Variants in PSTPIP2 observed in about 807,000 individuals in gnomAD.
PSTPIP2 encodes proline-serine-threonine phosphatase-interacting protein 2.
In PSTPIP2, 33 loss-of-function variants were observed where a neutral mutation model predicts 63.3. The observed-to-expected ratio is 0.52, with a 90% CI of 0.40 to 0.70. PSTPIP2 has a LOEUF of 0.70. Among genes scored for constraint, PSTPIP2 ranks in the 30% least tolerant of loss-of-function variants. The pLI is 0.00. For synonymous variants in PSTPIP2, 125 were observed against 132.7 expected (o/e 0.94, Z 0.40); for missense variants, 312 against 400.7 (o/e 0.78, Z 1.89).
chr18:45,990,063 G>A (rs1004183020), intron 13 of PSTPIP2: 2 of 152,216 alleles, frequency 1.3e-5, no homozygotes, highest in Non-Finnish European at 2.9e-5. Context: ...AACATTAAGT[G>A]ACACGTTTCT....
chr18:46,036,043 T>G (rs1422138895), intron 2 of PSTPIP2, among the ~76,000 whole-genome samples: 1 of 151,558 alleles, frequency 6.6e-6, no homozygotes, highest in Non-Finnish European at 1.5e-5. Flanking sequence ...ACTGATGGAG[T>G]GTTTGTTACT....
chr18:46,028,075 C>G (rs1248876885), intron 2 of PSTPIP2, among the ~76,000 whole-genome samples: 1 of 152,186 alleles, frequency 6.6e-6, no homozygotes, highest in Non-Finnish European at 1.5e-5. Flanking sequence ...GCAGAAGAAT[C>G]GCTTGAACCC....
At position 46,072,106 on chromosome 18, in the gene PSTPIP2, C is replaced by T. The variant is rs1239311954; in HGVS notation, c.33+50G>A. ...CCACGCCCGCCGCGTTGGCCTCCCG[C>T]CCGGGCCGGGTCCTGAGCCCCGCGA... On this transcript the variant is annotated intron_variant, in intron 1 of 14. Transcript: ENST00000409746. The T allele has an allele frequency of 2.0e-6, 3 of 1,514,048 alleles. No individual in the cohort carries two copies. In the African/African-American group the frequency reaches 4.3e-5, roughly 22 times the overall value. 93.8% of individuals were successfully genotyped at this position (1,514,048 alleles called of 1,614,324 possible).
At chr18:46,033,381 C>T (rs1336668409) in intron 2 of PSTPIP2, among the ~76,000 whole-genome samples, 1 of 152,062 alleles carries the variant, frequency 6.6e-6, no homozygotes, top group Non-Finnish European at 1.5e-5. Context: ...CCTCTTAATC[C>T]AACATGACTA....
chr18:46,031,890 T>A (rs1037274220), intron 2 of PSTPIP2, among the ~76,000 whole-genome samples: 1 of 152,142 alleles, frequency 6.6e-6, no homozygotes, highest in African/African-American at 2.4e-5. Context: ...AGCATCATGG[T>A]GTGCTTTTTG....
intron 3 of PSTPIP2, among the ~76,000 whole-genome samples, chr18:46,022,544 G>C (rs1011287212): frequency 2.0e-5 from 3 of 152,068 alleles, no homozygotes; most frequent in Non-Finnish European, 4.4e-5. Context: ...AAATGAGTAG[G>C]ACTGGCTACA....
Position 46,055,697 on chromosome 18 carries a change from G to A in PSTPIP2, c.34-15650C>T, listed in dbSNP as rs370534859. ...CCAAAATAACTCTAACAGCTTACCC[G>A]CAATGACTAAATGCTCATTTCCTGC... On this transcript the variant is annotated intron_variant, in intron 1 of 14. Transcript: ENST00000409746. 2.0e-5 allele frequency among the ~76,000 whole-genome samples: 3 copies of A among 152,218 alleles called. No individual in the cohort carries two copies. In the South Asian group the frequency reaches 6.2e-4, roughly 32 times the overall value.
At chr18:46,052,131 A>G (rs1256109153) in intron 1 of PSTPIP2, among the ~76,000 whole-genome samples, 1 of 152,268 alleles carries the variant, frequency 6.6e-6, no homozygotes, top group East Asian at 1.9e-4. Flanking sequence ...AGCTCTAGAA[A>G]GCAAGCCAGG....
chr18:46,020,805 T>C (rs1335201868), intron 3 of PSTPIP2, among the ~76,000 whole-genome samples: 1 of 152,206 alleles, frequency 6.6e-6, no homozygotes, highest in African/African-American at 2.4e-5. Flanking sequence ...AGGTATACTC[T>C]TAGAAGGAAA....
chr18:46,057,594 C>T (rs1440562307), intron 1 of PSTPIP2, among the ~76,000 whole-genome samples: 2 of 152,054 alleles, frequency 1.3e-5, no homozygotes, highest in Non-Finnish European at 2.9e-5. Context: ...TCTCCCAAAG[C>T]ACTGGGATTA....
intron 1 of PSTPIP2, among the ~76,000 whole-genome samples, chr18:46,062,790 C>T (rs1472384013): frequency 1.3e-5 from 2 of 151,972 alleles, no homozygotes; most frequent in Non-Finnish European, 2.9e-5. Context: ...GCTGGGATTA[C>T]AGGCAGGAGC....
chr18:45,988,184 C>T (rs2144054888), intron 14 of PSTPIP2, among the ~76,000 whole-genome samples: 1 of 152,188 alleles, frequency 6.6e-6, no homozygotes, highest in East Asian at 1.9e-4. Context: ...GTAATCCCAG[C>T]ACTTTGGGAG....
At chr18:46,016,574 G>A (rs759986935) in intron 3 of PSTPIP2, among the ~76,000 whole-genome samples, 4 of 152,188 alleles carry the variant, frequency 2.6e-5, no homozygotes, top group Non-Finnish European at 4.4e-5. Flanking sequence ...AGACCTCAGA[G>A]TCTAATGGAG....
chr18:45,998,775 G>T lies in PSTPIP2; in HGVS notation c.562+19C>A. ...CCCCACCAGCAACCCTCCCCCATCC[G>T]TAGGAACTGCCCCCTCACCTGAGTC... On this transcript the variant is annotated intron_variant, in intron 8 of 14. Coordinates refer to ENST00000409746, the MANE Select transcript of PSTPIP2 (RefSeq NM_024430.4). 6.2e-7 allele frequency: 1 copy of T among 1,610,380 alleles called. No homozygotes were observed. The highest frequency in any genetic ancestry group is 1.7e-5 in the Admixed American group (1 of 59,544).
chr18:46,053,809 C>G (rs1258493418), intron 1 of PSTPIP2, among the ~76,000 whole-genome samples: 1 of 152,170 alleles, frequency 6.6e-6, no homozygotes, highest in Admixed American at 6.5e-5. Context: ...TATCAAGCCA[C>G]AAGAAGACAT....
intron 1 of PSTPIP2, among the ~76,000 whole-genome samples, chr18:46,046,245 T>C (rs975892184): frequency 6.6e-6 from 1 of 152,220 alleles, no homozygotes; most frequent in African/African-American, 2.4e-5. Flanking sequence ...TCTATCCTCC[T>C]ATGGCCTCTG....
chr18:46,011,317 GGTCTACATAT>G (rs768274504), intron 4 of PSTPIP2, 30 bp from the exon 5 acceptor site: 58 of 1,502,444 alleles, frequency 3.9e-5, no homozygotes, highest in Non-Finnish European at 5.3e-5. Flanking sequence ...AAAAAATCAA[GGTCTACATAT>G]GTCTGAATTA....
intron 1 of PSTPIP2, among the ~76,000 whole-genome samples, chr18:46,069,709 T>C (rs1909323791): frequency 6.6e-6 from 1 of 152,366 alleles, no homozygotes; most frequent in African/African-American, 2.4e-5. Flanking sequence ...TTCAGGAACA[T>C]GTACAAACAC....
intron 3 of PSTPIP2, among the ~76,000 whole-genome samples, chr18:46,022,879 T>G (rs968926060): frequency 1.3e-5 from 2 of 152,118 alleles, no homozygotes; most frequent in African/African-American, 4.8e-5. Context: ...TGCCCATCAA[T>G]GATAGACTGA....
Sources: allele counts gnomAD v4.1 joint callset (sites outside exome capture counted in the v4.1 genomes callset), GRCh38; gene constraint gnomAD v4.1.1; transcripts MANE v1.5; gene names NCBI Gene and HGNC (gene_info 2026-07-23, HGNC 2026-07-21).